Variants in ATR observed in about 807,000 individuals in gnomAD.
ATR encodes the protein serine/threonine-protein kinase ATR.
A neutral mutation model predicts 305.3 loss-of-function variants in ATR; 142 were observed. The ratio of observed to expected loss-of-function variants is 0.47; its 90% CI spans 0.41 to 0.53. The LOEUF (loss-of-function observed/expected upper bound fraction) is 0.53, where lower values mean the gene tolerates loss of function less well. Ranked by LOEUF, ATR falls within the 20% of genes least tolerant of loss-of-function variation. ATR has a pLI of 0.00. For synonymous variants in ATR, 1,050 were observed against 1,068.1 expected (o/e 0.98, Z 0.33); for missense variants, 2,135 against 3,133.1 (o/e 0.68, Z 7.60).
intron 21 of ATR, among the ~76,000 whole-genome samples, chr3:142,534,385 T>C (rs2033775394): frequency 6.6e-6 from 1 of 152,154 alleles, no homozygotes; most frequent in African/African-American, 2.4e-5. Context: ...CCATCACGTA[T>C]ATCTTTTGTC....
chr3:142,551,377 G>A (rs2034464417), intron 13 of ATR, among the ~76,000 whole-genome samples: 3 of 152,174 alleles, frequency 2.0e-5, no homozygotes. Context: ...AGTGAGTTAT[G>A]ATCACACCAT....
intron 1 of ATR, among the ~76,000 whole-genome samples, chr3:142,572,760 C>A (rs899288333): frequency 6.6e-6 from 1 of 151,902 alleles, no homozygotes; most frequent in Admixed American, 6.6e-5. Context: ...CAAAACCAGA[C>A]CCCTGTCTCC....
In ATR at chr3:142,562,355, T is replaced by C. The variant is rs534376959; in HGVS notation, c.1047A>G (p.Leu349=). The C allele has an allele frequency of 2.8e-5, 46 of 1,614,086 alleles. No homozygotes were observed. The South Asian group carries it at 4.4e-4, about 15-fold the overall frequency. Residue 349 remains leucine (L), a synonymous_variant, in exon 4 of 47, where the codon TTA becomes TTG. Transcript: ENST00000350721. ...GCACAAATTTAAGGAAATACTGCAG[T>C]AAATGGCACAAAGCTGCTTTTAGCA... ...SDLLKAALCH[L]LQYFLKFVPA...
At chr3:142,557,599 T>C (rs2034717842) in intron 8 of ATR, among the ~76,000 whole-genome samples, 1 of 151,998 alleles carries the variant, frequency 6.6e-6, no homozygotes. Flanking sequence ...TTCAGAACAG[T>C]AGTAATCTCT....
chr3:142,497,573 T>TAATAAATAAATAAATAAATA (rs35792072), intron 32 of ATR, among the ~76,000 whole-genome samples: 16 of 149,038 alleles, frequency 1.1e-4, no homozygotes, highest in African/African-American at 3.4e-4. Context: ...TCCCTTAAAA[T>TAATAAATAAATAAATAAATA]AATAAATAAA....
chr3:142,550,274 T>C lies in ATR; in HGVS notation c.2834A>G (p.Gln945Arg). ...TGGAGTATTCGGAAGTGCTGTCATC[T>C]GACTAGAGTGAAGGGATTCTACCAA... ...QFLVESLHSS[Q>R]MTALPNTPCQ... The change falls in exon 14 of 47, where the codon CAG becomes CGG. Residue 945 changes from glutamine (Q) to arginine (R), a missense_variant. Transcript: ENST00000350721. 6.2e-7 allele frequency: 1 copy of C among 1,614,198 alleles called. No individual in the cohort carries two copies. Among genetic ancestry groups the C allele is most frequent in the Non-Finnish European group, 8.5e-7 (1 of 1,180,010 alleles).
rs981097083 is a variant in ATR at position 142,540,851 on chromosome 3, C to T, written c.3581+53G>A. Reference sequence around the variant, plus strand: ...AAAGAGATAAGAATTCAAGTTAGTGCTACTGGAAAATGCAAAAAAAAAAAA... The same window carrying T: ...AAAGAGATAAGAATTCAAGTTAGTGTTACTGGAAAATGCAAAAAAAAAAAA... On this transcript the variant is annotated intron_variant, in intron 18 of 46. Coordinates refer to ENST00000350721, the MANE Select transcript of ATR (RefSeq NM_001184.4). 30 of 1,537,620 alleles carry T rather than the reference C, an allele frequency of 2.0e-5. No individual in the cohort carries two copies. In the East Asian group the frequency reaches 2.9e-4, roughly 15 times the overall value.
At chr3:142,512,163 T>C (rs2032605866) in intron 27 of ATR, 97 bp downstream of exon 27, 1 of 1,100,374 alleles carries the variant, frequency 9.1e-7, no homozygotes, top group African/African-American at 1.6e-5. Context: ...AAGGTATTTT[T>C]TAAGCTAGTG....
In ATR at chr3:142,524,193, GT is replaced by G; in HGVS notation, c.3951del (p.Lys1317AsnfsTer2). ...LKETLYKNQE[K>X]LIKYATDSET... ...TCACTGTCTGTTGCATACTTTATCA[GT>G]TTTTCCTAAAATAAAAGTAGAAAGA... is the stretch of plus-strand genomic sequence containing the variant. On this transcript the variant is annotated frameshift_variant, in exon 22 of 47. Coordinates refer to ENST00000350721, the MANE Select transcript of ATR (RefSeq NM_001184.4). LOFTEE classifies it high-confidence loss of function. 1 of 1,611,940 alleles carries G rather than the reference GT, an allele frequency of 6.2e-7. No individual in the cohort carries two copies. The highest frequency in any genetic ancestry group is 8.5e-7 in the Non-Finnish European group (1 of 1,178,280).
In ATR at chr3:142,558,578, A is replaced by G. The variant is rs752983791; in HGVS notation, c.1885+46T>C. 6.7e-6 allele frequency: 10 copies of G among 1,490,090 alleles called. No individual in the cohort carries two copies. The African/African-American group carries it at 1.1e-4, about 16-fold the overall frequency. The allele number at this position is 1,490,090 out of a possible 1,614,324, so 92.3% of individuals were successfully genotyped here. A position where few individuals can be genotyped will look rare whatever the true frequency, so the allele number is the denominator to read the frequency against. On this transcript the variant is annotated intron_variant, in intron 8 of 46. Transcript: ENST00000350721. ...AATAAATAGATAGATAGATAGATAG[A>G]TAGATAAATAAAACAAACCACACAC...
chr3:142,497,522 T>C (rs1295490321), intron 32 of ATR, among the ~76,000 whole-genome samples: 1 of 151,832 alleles, frequency 6.6e-6, no homozygotes, highest in Non-Finnish European at 1.5e-5. Flanking sequence ...TGCCTGTGAA[T>C]AGCCACTGCA....
At chr3:142,540,725 ACTTCC>A (rs2034020393) in intron 18 of ATR, among the ~76,000 whole-genome samples, 174 bp downstream of exon 18, 1 of 152,156 alleles carries the variant, frequency 6.6e-6, no homozygotes, top group Non-Finnish European at 1.5e-5. Context: ...ATGTTAAAAG[ACTTCC>A]ATAGTAAAAT....
intron 42 of ATR, among the ~76,000 whole-genome samples, chr3:142,460,398 T>C (rs1232249135): frequency 6.6e-6 from 1 of 152,160 alleles, no homozygotes; most frequent in Non-Finnish European, 1.5e-5. Context: ...ATAAAGTCAT[T>C]AAGGTGGGCC....
At chr3:142,545,567 T>C (rs1196206710) in intron 16 of ATR, among the ~76,000 whole-genome samples, 2 of 152,034 alleles carry the variant, frequency 1.3e-5, no homozygotes, top group Non-Finnish European at 2.9e-5. Context: ...ATTGAAGGAA[T>C]TTAATCAGGG....
chr3:142,556,350 G>T, intron 9 of ATR, 33 bp downstream of exon 9: 1 of 1,582,072 alleles, frequency 6.3e-7, no homozygotes, highest in Non-Finnish European at 8.7e-7. Context: ...TTCCAATAGA[G>T]TGATATATTC....
At position 142,553,412 on chromosome 3, in the gene ATR, C is replaced by A. The variant is rs747372632; in HGVS notation, c.2634-14G>T. 1 of 1,605,676 alleles carries A rather than the reference C, an allele frequency of 6.2e-7. No individual in the cohort carries two copies. Among genetic ancestry groups the A allele is most frequent in the Non-Finnish European group, 8.5e-7 (1 of 1,174,078 alleles). Reference sequence around the variant, plus strand: ...CCTTTTGCGGCCCTAAAATTAAAAACAACATACATATGAATACACAAACAC... The same window carrying A: ...CCTTTTGCGGCCCTAAAATTAAAAAAAACATACATATGAATACACAAACAC... On this transcript the variant is annotated splice_polypyrimidine_tract_variant and intron_variant, in intron 12 of 46. Coordinates refer to ENST00000350721, the MANE Select transcript of ATR (RefSeq NM_001184.4).
intron 28 of ATR, among the ~76,000 whole-genome samples, chr3:142,506,813 T>C (rs1223078361): frequency 3.3e-5 from 5 of 152,128 alleles, no homozygotes; most frequent in African/African-American, 1.2e-4. Flanking sequence ...GGAAACAAAG[T>C]GAAGGTAAGA....
chr3:142,462,093 G>A lies in ATR; in HGVS notation c.7042-3C>T, dbSNP rs2071033061. The A allele has an allele frequency of 1.8e-5, 29 of 1,609,330 alleles. No individual in the cohort carries two copies. Among genetic ancestry groups the A allele is most frequent in the East Asian group, 2.2e-5 (1 of 44,716 alleles). ...GACTCTGCATCTTTTCTTAAGCACT[G>A]TTAAAAAATACACATAAATTTAAAA... is the stretch of plus-strand genomic sequence containing the variant. On this transcript the variant is annotated splice_polypyrimidine_tract_variant and splice_region_variant and intron_variant, in intron 41 of 46. Coordinates refer to ENST00000350721, the MANE Select transcript of ATR (RefSeq NM_001184.4).
In ATR at chr3:142,457,709, T is replaced by A. The variant is rs767892437; in HGVS notation, c.7550A>T (p.His2517Leu). The A allele has an allele frequency of 6.2e-7, 1 of 1,614,104 alleles. No homozygotes were observed. The highest frequency in any genetic ancestry group is 8.5e-7 in the Non-Finnish European group (1 of 1,179,960). Reference protein sequence around the residue: ...VPEIVPFRLTHNMVNGMGPMG... With the variant: ...VPEIVPFRLTLNMVNGMGPMG... ...AGGACCCATTCCATTAACCATATTA[T>A]GAGTCAGGCGAAATGGCACAATTTC... The change falls in exon 45 of 47, where the codon CAT (histidine) becomes CTT (leucine). Residue 2517 changes from histidine (H) to leucine (L), a missense_variant. His to Leu is a moderately conservative substitution (Grantham distance 99). This residue lies in a region of ATR where 462 missense variants were observed against 887.6 expected (regional missense o/e 0.52). Coordinates refer to ENST00000350721, the MANE Select transcript of ATR (RefSeq NM_001184.4).
Sources: gnomAD v4.1 joint callset for allele counts (sites outside exome capture counted in the v4.1 genomes callset) on GRCh38, gnomAD v4.1.1 for gene constraint, gnomAD v4.1.1 regional missense constraint, MANE v1.5 for transcripts, NCBI Gene and HGNC (gene_info 2026-07-23, HGNC 2026-07-21) for gene names.